Variants in ZNF717 observed in about 807,000 individuals in gnomAD.
ZNF717 encodes krueppel-like factor X17.
Under a neutral mutation model 13.8 loss-of-function variants are expected in ZNF717, and 9 were observed. The observed-to-expected ratio is 0.65, with a 90% CI of 0.39 to 1.14. The LOEUF is 1.14. Ranked by LOEUF, ZNF717 falls within the 50% of genes most tolerant of loss-of-function variation. The pLI is 0.01. For missense variants in ZNF717, 1,040 were observed against 1,080.7 expected (o/e 0.96, Z 0.53); for synonymous variants, 327 against 364.1 (o/e 0.90, Z 1.16).
chr3:75,712,274 A>G (rs1365027294), intron 5 of ZNF717, among the ~76,000 whole-genome samples: 1 of 152,260 alleles, frequency 6.6e-6, no homozygotes, highest in African/African-American at 2.4e-5. Flanking sequence ...AGTTTAGAAG[A>G]TGGCTGTTAA....
At chr3:75,702,642 C>T in intron 6 of ZNF717, among the ~76,000 whole-genome samples, 1 of 152,430 alleles carries the variant, frequency 6.6e-6, no homozygotes, top group African/African-American at 2.4e-5. Context: ...ATAACACAAG[C>T]TATAAATGCT....
At chr3:75,762,822 T>G (rs1248547823) in intron 2 of ZNF717, among the ~76,000 whole-genome samples, 1 of 151,848 alleles carries the variant, frequency 6.6e-6, no homozygotes, top group African/African-American at 2.4e-5. Flanking sequence ...AAAAAAAATG[T>G]AGTCATGACA....
At chr3:75,715,721 C>T (rs1468104906) in intron 5 of ZNF717, among the ~76,000 whole-genome samples, 1 of 151,970 alleles carries the variant, frequency 6.6e-6, no homozygotes, top group Admixed American at 6.6e-5. Flanking sequence ...GGGACACAGG[C>T]CAGAATTCCA....
At position 75,738,772 on chromosome 3, in the gene ZNF717, T is replaced by C; in HGVS notation, c.851A>G (p.Glu284Gly). 1 of 1,553,164 alleles carries C rather than the reference T, an allele frequency of 6.4e-7. No individual in the cohort carries two copies. Among genetic ancestry groups the C allele is most frequent in the Non-Finnish European group, 8.7e-7 (1 of 1,147,966 alleles). ...GGAGGGTTTCTCACATTCAACACAT[T>C]CATAGGGTTTCTCTCCTGTGTGTGT... ...QQTHTGEKPYECVECEKPSIS... is the reference protein window; with the variant it reads ...QQTHTGEKPYGCVECEKPSIS... The change falls in exon 5 of 5, where the codon GAA (glutamate) becomes GGA (glycine). Residue 284 changes from glutamate to glycine, a missense_variant. Transcript: ENST00000652011.
chr3:75,757,338 T>G (rs1230681927), intron 2 of ZNF717, among the ~76,000 whole-genome samples: 1 of 152,222 alleles, frequency 6.6e-6, no homozygotes, highest in Non-Finnish European at 1.5e-5. Context: ...AAACCAATGA[T>G]GATTTACTAT....
intron 2 of ZNF717, among the ~76,000 whole-genome samples, chr3:75,762,440 C>CAAAAA (rs36024450): frequency 1.0e-4 from 12 of 116,446 alleles, no homozygotes; most frequent in South Asian, 5.9e-4. Context: ...GACTCCATCT[C>CAAAAA]AAAAAAAAAA....
At chr3:75,745,026 T>C (rs1161076118) in intron 2 of ZNF717, among the ~76,000 whole-genome samples, 1 of 152,104 alleles carries the variant, frequency 6.6e-6, no homozygotes, top group Non-Finnish European at 1.5e-5. Flanking sequence ...GGTCTGTGTG[T>C]TTGTCCCTCA....
Position 75,739,173 on chromosome 3 carries a change from G to T in ZNF717, c.450C>A (p.Asn150Lys). 6.4e-7 allele frequency: 1 copy of T among 1,550,920 alleles called. No individual in the cohort carries two copies. The highest frequency in any genetic ancestry group is 8.7e-7 in the Non-Finnish European group (1 of 1,146,700). The change falls in exon 5 of 5, where the codon AAC becomes AAA. Residue 150 changes from asparagine to lysine, a missense_variant. Physicochemically the swap from Asn to Lys is moderately conservative, Grantham distance 94 (BLOSUM62 0). Transcript: ENST00000652011. Reference protein sequence around the residue: ...HVLNLIINNGNSSGMKPGQFN... With the variant: ...HVLNLIINNGKSSGMKPGQFN... ...ACTGCCCAGGCTTCATTCCTGAACT[G>T]TTTCCATTATTTATAATCAGATTTA...
chr3:75,701,028 G>A (rs1937684039), intron 6 of ZNF717, among the ~76,000 whole-genome samples: 2 of 152,428 alleles, frequency 1.3e-5, no homozygotes, highest in African/African-American at 4.8e-5. Flanking sequence ...GAAAATATTT[G>A]TAAATTATCC....
At chr3:75,761,118 AC>A (rs1559653307) in intron 2 of ZNF717, among the ~76,000 whole-genome samples, 1 of 152,228 alleles carries the variant, frequency 6.6e-6, no homozygotes, top group African/African-American at 2.4e-5. Context: ...GAGACCTGTA[AC>A]TAGTAAGAAG....
chr3:75,708,775 G>T (rs1399333787), downstream of ZNF717, among the ~76,000 whole-genome samples: 1 of 152,178 alleles, frequency 6.6e-6, no homozygotes, highest in East Asian at 1.9e-4. Flanking sequence ...GAGCATTGCT[G>T]TAAAGAAATA....
At chr3:75,741,498 C>T (rs1164648551) in intron 3 of ZNF717, 112 bp downstream of exon 3, 6 of 1,430,176 alleles carry the variant, frequency 4.2e-6, no homozygotes, top group Non-Finnish European at 5.8e-6. Flanking sequence ...AGTAGTGACA[C>T]ATTTTTCATC....
intron 2 of ZNF717, among the ~76,000 whole-genome samples, chr3:75,765,351 T>C (rs1177540208): frequency 6.6e-6 from 1 of 152,144 alleles, no homozygotes; most frequent in Non-Finnish European, 1.5e-5. Context: ...TACAACTGGT[T>C]ATGATGGTAA....
chr3:75,756,442 G>T (rs1395288676), intron 2 of ZNF717, among the ~76,000 whole-genome samples: 1 of 152,224 alleles, frequency 6.6e-6, no homozygotes, highest in Non-Finnish European at 1.5e-5. Flanking sequence ...AGTGAGGAAG[G>T]CATGCTATAA....
At chr3:75,725,461 G>C (rs1192927018), downstream of ZNF717, among the ~76,000 whole-genome samples, 2 of 152,228 alleles carry the variant, frequency 1.3e-5, no homozygotes, top group Non-Finnish European at 2.9e-5. Flanking sequence ...GAATAAAAAA[G>C]ATTATGTAGC....
chr3:75,699,776 T>C, intron 6 of ZNF717, among the ~76,000 whole-genome samples: 1 of 152,430 alleles, frequency 6.6e-6, no homozygotes, highest in South Asian at 2.1e-4. Flanking sequence ...AAAAAACTAT[T>C]AGAAGTAATA....
downstream of ZNF717, chr3:75,731,944 G>A (rs2106917244): frequency 1.1e-5 from 7 of 647,566 alleles, no homozygotes; most frequent in South Asian, 1.0e-4. Flanking sequence ...CAGTGCTGGA[G>A]TAGAAAATCT....
At chr3:75,753,834 T>C (rs1575857792) in intron 2 of ZNF717, among the ~76,000 whole-genome samples, 1 of 150,626 alleles carries the variant, frequency 6.6e-6, no homozygotes, top group Admixed American at 6.6e-5. Context: ...TTCTGAATGT[T>C]TGTCCCTCAC....
At chr3:75,779,668 ATGGGAGAGT>A (rs1944650662) in intron 2 of ZNF717, among the ~76,000 whole-genome samples, 27 of 150,294 alleles carry the variant, frequency 1.8e-4, no homozygotes, top group Admixed American at 1.7e-3. Context: ...ACCCAAAACA[ATGGGAGAGT>A]CGTGCTAAAC....
Sources: gnomAD v4.1 joint callset for allele counts (sites outside exome capture counted in the v4.1 genomes callset) on GRCh38, gnomAD v4.1.1 for gene constraint, MANE v1.5 for transcripts, NCBI Gene and HGNC (gene_info 2026-07-23, HGNC 2026-07-21) for gene names.